The following LIPA variants were observed in gnomAD, a reference collection of about 807,000 sequenced individuals.
LIPA encodes lysosomal acid lipase/cholesteryl ester hydrolase.
Under a neutral mutation model 40.6 loss-of-function variants are expected in LIPA, and 26 were observed. The observed-to-expected ratio is 0.64, with a 90% confidence interval of 0.47 to 0.89. LIPA has a LOEUF of 0.89. Ranked by LOEUF, LIPA falls within the 40% of genes least tolerant of loss-of-function variation. The pLI is 0.00. For synonymous variants in LIPA, 188 were observed against 168.4 expected (o/e 1.12, Z -0.90); for missense variants, 455 against 479.6 (o/e 0.95, Z 0.48).
At chr10:89,302,164 G>C (rs749507095) in intron 1 of LIPA, 2 of 1,611,394 alleles carry the variant, frequency 1.2e-6, no homozygotes, top group Admixed American at 3.3e-5. Flanking sequence ...TAGTGCTGTT[G>C]AGTCATCTTG....
intron 1 of LIPA, among the ~76,000 whole-genome samples, chr10:89,297,336 C>T (rs1355245893): frequency 6.6e-6 from 1 of 152,156 alleles, no homozygotes; most frequent in Admixed American, 6.5e-5. Flanking sequence ...AGACAGGGAA[C>T]TCACGCTGGG....
intron 2 of LIPA, among the ~76,000 whole-genome samples, chr10:89,379,118 GT>G (rs572102391): frequency 6.8e-4 from 104 of 152,304 alleles, no homozygotes; most frequent in African/African-American, 1.3e-3. Flanking sequence ...AGAGATGGCT[GT>G]TTTTCTGTTG....
At chr10:89,327,746 C>A (rs1166412145) in intron 1 of LIPA, 2 of 343,736 alleles carry the variant, frequency 5.8e-6, no homozygotes, top group Non-Finnish European at 5.4e-6. Context: ...TTTTGGTTTA[C>A]ATTAGGAATG....
chr10:89,268,580 T>C (rs990483727), intron 1 of LIPA, among the ~76,000 whole-genome samples: 1 of 152,262 alleles, frequency 6.6e-6, no homozygotes, highest in African/African-American at 2.4e-5. Context: ...TATTTAGTTA[T>C]CTACTTTTAT....
At chr10:89,227,304 T>A (rs1842782498) in intron 4 of LIPA, among the ~76,000 whole-genome samples, 2 of 152,248 alleles carry the variant, frequency 1.3e-5, no homozygotes, top group African/African-American at 4.8e-5. Flanking sequence ...TTAATCCATT[T>A]TTTGCTGCAT....
At chr10:89,407,831 G>A (rs947563548) in intron 2 of LIPA, among the ~76,000 whole-genome samples, 3 of 152,112 alleles carry the variant, frequency 2.0e-5, no homozygotes, top group African/African-American at 4.8e-5. Context: ...GCAGGTTTTC[G>A]AGAATGTGTA....
intron 2 of LIPA, among the ~76,000 whole-genome samples, chr10:89,359,581 G>A (rs1844008257): frequency 6.6e-6 from 1 of 152,158 alleles, no homozygotes; most frequent in South Asian, 2.1e-4. Context: ...GACCTGAAGG[G>A]CCTCAAGGAG....
chr10:89,240,523 C>T (rs1842952902), intron 3 of LIPA, among the ~76,000 whole-genome samples: 1 of 152,158 alleles, frequency 6.6e-6, no homozygotes, highest in Admixed American at 6.5e-5. Context: ...TACTATACTG[C>T]ATATATTTCA....
At chr10:89,315,330 A>G (rs1195871391) in intron 1 of LIPA, among the ~76,000 whole-genome samples, 1 of 152,198 alleles carries the variant, frequency 6.6e-6, no homozygotes, top group Non-Finnish European at 1.5e-5. Context: ...TCAGAATTAG[A>G]CTTTTCCAAG....
At chr10:89,377,184 T>A (rs1042419413) in intron 2 of LIPA, among the ~76,000 whole-genome samples, 19 of 152,242 alleles carry the variant, frequency 1.2e-4, no homozygotes, top group Non-Finnish European at 2.9e-5. Context: ...AAATTTTTCA[T>A]TAAACATGTG....
intron 1 of LIPA, among the ~76,000 whole-genome samples, chr10:89,259,173 A>G (rs1398465579): frequency 6.6e-6 from 1 of 152,236 alleles, no homozygotes; most frequent in Non-Finnish European, 1.5e-5. Flanking sequence ...TGGTGAATTG[A>G]ATGGTATGCA....
intron 1 of LIPA, among the ~76,000 whole-genome samples, chr10:89,318,417 G>C (rs945383444): frequency 9.2e-5 from 14 of 152,156 alleles, no homozygotes; most frequent in African/African-American, 3.4e-4. Context: ...TGCAATCCTA[G>C]TCTCTGATAA....
Position 89,223,872 on chromosome 10 carries a change from C to T in LIPA, c.676-42G>A, listed in dbSNP as rs1556478. 0.34 allele frequency: 540,198 copies of T among 1,603,140 alleles called. 99,079 individuals carry two copies. The highest frequency in any genetic ancestry group is 0.77 in the East Asian group (34,709 of 44,804). The stretch of plus-strand genomic sequence containing the variant: ...AACCCAAGAACATCTCAGCATTTCA[C>T]TCTGGTGCATAAGTCTCCGTGACTC... On this transcript the variant is annotated intron_variant, in intron 6 of 9. Coordinates refer to ENST00000336233, the MANE Select transcript of LIPA (RefSeq NM_000235.4).
intron 2 of LIPA, chr10:89,362,601 G>A: frequency 3.0e-6 from 1 of 338,186 alleles, no homozygotes; most frequent in East Asian, 5.2e-5. Context: ...CCTGGGCTGG[G>A]GCAAATTTGC....
At chr10:89,225,005 G>A (rs1266082920) in intron 6 of LIPA, 87 bp downstream of exon 6, 4 of 1,457,086 alleles carry the variant, frequency 2.7e-6, no homozygotes, top group Admixed American at 1.7e-5. Flanking sequence ...GGGGAGGAAG[G>A]CACAGATTAT....
chr10:89,267,865 C>T (rs1444162825), intron 1 of LIPA, among the ~76,000 whole-genome samples: 2 of 152,092 alleles, frequency 1.3e-5, no homozygotes, highest in African/African-American at 4.8e-5. Context: ...ACACTGGAAC[C>T]GGCAAGTATA....
chr10:89,251,959 A>AC (rs1272184873), upstream of LIPA: 3 of 152,774 alleles, frequency 2.0e-5, no homozygotes, highest in South Asian at 2.1e-4. Flanking sequence ...CCCCCAGTTG[A>AC]CCCCATAGAG....
chr10:89,289,492 T>C (rs1431565076), intron 1 of LIPA, among the ~76,000 whole-genome samples: 1 of 152,218 alleles, frequency 6.6e-6, no homozygotes, highest in African/African-American at 2.4e-5. Context: ...AAATCCCTTT[T>C]GGTCTGGGTA....
intron 8 of LIPA, among the ~76,000 whole-genome samples, chr10:89,221,888 T>C (rs1842703869): frequency 1.3e-5 from 2 of 151,828 alleles, no homozygotes; most frequent in South Asian, 2.1e-4. Flanking sequence ...TCTAGGGTTA[T>C]AGAATGATTT....
Sources: gnomAD v4.1 joint callset for allele counts (sites outside exome capture counted in the v4.1 genomes callset) on GRCh38, gnomAD v4.1.1 for gene constraint, MANE v1.5 for transcripts, NCBI Gene and HGNC (gene_info 2026-07-23, HGNC 2026-07-21) for gene names.